The following CHN1 variants were observed in gnomAD, a reference collection of about 807,000 sequenced individuals.
CHN1 encodes the protein N-chimaerin.
A neutral mutation model predicts 59.5 loss-of-function variants in CHN1; 37 were observed. The ratio of observed to expected loss-of-function variants is 0.62; its 90% CI spans 0.48 to 0.82. The LOEUF (loss-of-function observed/expected upper bound fraction) is 0.82. Among genes scored for constraint, CHN1 ranks in the 40% least tolerant of loss-of-function variants. CHN1 has a pLI of 0.00. For missense variants in CHN1, 469 were observed against 571.0 expected (o/e 0.82, Z 1.82); for synonymous variants, 206 against 200.4 (o/e 1.03, Z -0.24).
chr2:174,872,616 T>C (rs73973641), intron 6 of CHN1, among the ~76,000 whole-genome samples: 1,527 of 152,268 alleles, frequency 0.01, 31 homozygotes, highest in African/African-American at 0.035. Context: ...TGATTAGAGA[T>C]AGAGCTATCA....
Position 174,800,113 on chromosome 2 carries a change from A to G in CHN1, c.*3T>C. 6.4e-7 allele frequency: 1 copy of G among 1,556,866 alleles called. No individual in the cohort carries two copies. The highest frequency in any genetic ancestry group is 8.7e-7 in the Non-Finnish European group (1 of 1,153,520). On this transcript the variant is annotated 3_prime_UTR_variant, in exon 13 of 13. Coordinates refer to ENST00000409900, the MANE Select transcript of CHN1 (RefSeq NM_001822.7). ...ACATTTCTTTTCCCCTCAAATTAAA[A>G]ATTTAAAATAAAATGTCTTCGTTTT...
intron 3 of CHN1, among the ~76,000 whole-genome samples, chr2:174,936,171 C>T (rs1246127425): frequency 6.6e-6 from 1 of 152,062 alleles, no homozygotes; most frequent in African/African-American, 2.4e-5. Flanking sequence ...TAATGTGCAC[C>T]TGTACTCAAA....
At chr2:174,915,008 T>G in intron 5 of CHN1, 50 bp downstream of exon 5, 1 of 1,125,648 alleles carries the variant, frequency 8.9e-7, no homozygotes, top group Non-Finnish European at 1.3e-6. Context: ...AGCCCTATAT[T>G]AAGAGAGTTT....
chr2:174,963,172 C>T (rs1047085033), intron 1 of CHN1, among the ~76,000 whole-genome samples: 6 of 152,072 alleles, frequency 3.9e-5, no homozygotes, highest in African/African-American at 7.2e-5. Flanking sequence ...GTGTCAGTTA[C>T]GAGGCGGGTC....
intron 7 of CHN1, among the ~76,000 whole-genome samples, chr2:174,831,303 C>A (rs1162832608): frequency 1.3e-5 from 2 of 152,162 alleles, no homozygotes; most frequent in Non-Finnish European, 1.5e-5. Context: ...TTCCCAATCA[C>A]CGCTATGTTT....
intron 6 of CHN1, among the ~76,000 whole-genome samples, chr2:174,851,673 C>G (rs1268798559): frequency 6.6e-6 from 1 of 152,138 alleles, no homozygotes; most frequent in African/African-American, 2.4e-5. Context: ...TTCCACAATC[C>G]TCTGTTTCTA....
chr2:174,964,212 G>A (rs770022161), intron 1 of CHN1, among the ~76,000 whole-genome samples: 11 of 152,262 alleles, frequency 7.2e-5, no homozygotes, highest in Middle Eastern at 3.4e-3. Flanking sequence ...CCTGGATAAT[G>A]TTTCAAGTGA....
chr2:174,837,526 A>G (rs1686129715), intron 7 of CHN1, among the ~76,000 whole-genome samples: 1 of 152,224 alleles, frequency 6.6e-6, no homozygotes, highest in African/African-American at 2.4e-5. Flanking sequence ...AATACCTTAC[A>G]AAACACGCCA....
intron 3 of CHN1, among the ~76,000 whole-genome samples, chr2:174,933,485 G>GA (rs374742778): frequency 1.8e-4 from 27 of 147,938 alleles, no homozygotes; most frequent in African/African-American, 2.7e-4. Context: ...ATGATGAGAG[G>GA]AAAAAAAAAA....
At chr2:174,983,736 G>A (rs188853593) in intron 1 of CHN1, among the ~76,000 whole-genome samples, 137 of 152,304 alleles carry the variant, frequency 9.0e-4, no homozygotes, top group Non-Finnish European at 1.5e-3. Context: ...GCTGAAGCAG[G>A]AGAATTAGTT....
chr2:174,826,561 GATCAGTT>G (rs1364568173), intron 7 of CHN1, among the ~76,000 whole-genome samples: 1 of 152,150 alleles, frequency 6.6e-6, no homozygotes, highest in African/African-American at 2.4e-5. Context: ...ATTTTGTGCC[GATCAGTT>G]ATCTCATGGT....
At chr2:174,866,458 T>A (rs1687218682) in intron 6 of CHN1, among the ~76,000 whole-genome samples, 1 of 152,112 alleles carries the variant, frequency 6.6e-6, no homozygotes, top group Non-Finnish European at 1.5e-5. Context: ...AAAAAACCCA[T>A]CCCCTTGCAG....
chr2:174,896,714 A>T (rs1050814488), intron 5 of CHN1, among the ~76,000 whole-genome samples: 3 of 152,148 alleles, frequency 2.0e-5, no homozygotes, highest in African/African-American at 7.2e-5. Flanking sequence ...AAAGTAAATG[A>T]GTAAATTCAG....
chr2:174,854,986 A>T (rs920990981), intron 6 of CHN1, among the ~76,000 whole-genome samples: 1 of 152,156 alleles, frequency 6.6e-6, no homozygotes, highest in African/African-American at 2.4e-5. Flanking sequence ...ATCCATGCTC[A>T]TACTCAGTAA....
At chr2:174,873,150 CAG>C (rs1418883516) in intron 6 of CHN1, among the ~76,000 whole-genome samples, 1 of 151,978 alleles carries the variant, frequency 6.6e-6, no homozygotes, top group African/African-American at 2.4e-5. Flanking sequence ...TAATGCAAAT[CAG>C]TAACCCTGGG....
At chr2:174,891,446 T>C (rs978563802) in intron 5 of CHN1, among the ~76,000 whole-genome samples, 1 of 151,358 alleles carries the variant, frequency 6.6e-6, no homozygotes, top group Admixed American at 6.6e-5. Context: ...GGTGGGCACT[T>C]GTAATCCCAG....
intron 6 of CHN1, among the ~76,000 whole-genome samples, chr2:174,861,895 G>A (rs1351766476): frequency 6.6e-6 from 1 of 152,022 alleles, no homozygotes; most frequent in Non-Finnish European, 1.5e-5. Flanking sequence ...TATTACTGGA[G>A]GAATAATGTA....
intron 1 of CHN1, among the ~76,000 whole-genome samples, chr2:174,987,406 C>CTTTTT (rs893724969): frequency 1.4e-5 from 2 of 140,784 alleles, no homozygotes; most frequent in Non-Finnish European, 1.6e-5. Flanking sequence ...ACTCTTTTTT[C>CTTTTT]TTTTTTTTTT....
At chr2:174,887,770 C>T (rs976896490) in intron 5 of CHN1, among the ~76,000 whole-genome samples, 2 of 152,152 alleles carry the variant, frequency 1.3e-5, no homozygotes, top group Non-Finnish European at 2.9e-5. Flanking sequence ...AGACAAGAGT[C>T]GTAAACGGAA....
Sources: gnomAD v4.1 joint callset for allele counts (sites outside exome capture counted in the v4.1 genomes callset) on GRCh38, gnomAD v4.1.1 for gene constraint, MANE v1.5 for transcripts, NCBI Gene and HGNC (gene_info 2026-07-23, HGNC 2026-07-21) for gene names.